GRM5: variants seen among roughly 807,000 people sequenced by gnomAD.
GRM5 encodes the protein metabotropic glutamate receptor 5.
A neutral mutation model predicts 83.1 loss-of-function variants in GRM5; 19 were observed. The ratio of observed to expected loss-of-function variants is 0.23; its 90% CI spans 0.16 to 0.34. GRM5 has a LOEUF of 0.34. Among genes scored for constraint, GRM5 ranks in the 10% least tolerant of loss-of-function variants. The probability of loss-of-function intolerance (pLI) is 1.00; values close to 1 mark genes in which losing one functional copy is unlikely to be tolerated. For missense variants in GRM5, 1,160 were observed against 1,588.3 expected, an observed-to-expected ratio of 0.73 and a Z score of 4.58; for synonymous variants, 675 against 633.6, an observed-to-expected ratio of 1.07 and a Z score of -0.98.
At chr11:88,730,631 A>G (rs184934261) in intron 3 of GRM5, among the ~76,000 whole-genome samples, 432 of 152,340 alleles carry the variant, frequency 2.8e-3, no homozygotes, top group African/African-American at 9.9e-3. Context: ...ATGTTCATCA[A>G]TGATAGACTA....
At chr11:88,736,177 A>G (rs1031833397) in intron 3 of GRM5, among the ~76,000 whole-genome samples, 2 of 152,074 alleles carry the variant, frequency 1.3e-5, no homozygotes, top group East Asian at 3.9e-4. Context: ...AACATTTACA[A>G]AATATAAGGT....
intron 3 of GRM5, among the ~76,000 whole-genome samples, chr11:88,833,910 CA>C (rs1255322340): frequency 1.3e-5 from 2 of 151,352 alleles, no homozygotes; most frequent in East Asian, 1.9e-4. Flanking sequence ...TATGTGGGAC[CA>C]AAAAAAAGGT....
At chr11:89,013,923 TA>T (rs1324142548) in intron 2 of GRM5, among the ~76,000 whole-genome samples, 1 of 152,206 alleles carries the variant, frequency 6.6e-6, no homozygotes, top group African/African-American at 2.4e-5. Flanking sequence ...CTTATTCATG[TA>T]GCCTCCCACT....
chr11:89,019,156 T>C (rs1391605369), intron 2 of GRM5, among the ~76,000 whole-genome samples: 1 of 152,212 alleles, frequency 6.6e-6, no homozygotes, highest in Non-Finnish European at 1.5e-5. Context: ...GGGTATTTTG[T>C]AGAATGTCCT....
At chr11:88,943,244 A>C (rs548927843) in intron 2 of GRM5, among the ~76,000 whole-genome samples, 1 of 152,196 alleles carries the variant, frequency 6.6e-6, no homozygotes, top group East Asian at 1.9e-4. Flanking sequence ...GTAGTCATTT[A>C]ATCAAACATA....
chr11:88,520,514 A>G (rs1270999087), intron 9 of GRM5, among the ~76,000 whole-genome samples: 1 of 152,208 alleles, frequency 6.6e-6, no homozygotes, highest in Non-Finnish European at 1.5e-5. Flanking sequence ...AGAAATGGGC[A>G]CTTAATCTGA....
chr11:88,988,814 A>G (rs1290999647), intron 2 of GRM5, among the ~76,000 whole-genome samples: 6 of 143,940 alleles, frequency 4.2e-5, no homozygotes, highest in African/African-American at 1.5e-4. Context: ...AAATGCTGAG[A>G]GACTTTGTCA....
At chr11:88,945,871 C>A (rs1938267510) in intron 2 of GRM5, among the ~76,000 whole-genome samples, 1 of 151,888 alleles carries the variant, frequency 6.6e-6, no homozygotes. Flanking sequence ...GCAACAAAAA[C>A]AAAAATTGAC....
rs188276571 is a variant in GRM5, at chr11:88,847,668, A to T, written c.911+2238T>A. Among the ~76,000 whole-genome samples, 227 of 152,322 alleles carry T rather than the reference A, an allele frequency of 1.5e-3. 1 individual carries two copies. Among genetic ancestry groups the T allele is most frequent in the African/African-American group, 5.1e-3 (211 of 41,586 alleles). ...AATTTGGAGTAAGGAAGACCTAACA[A>T]AACTGCTCAAAAATGAAATGAACTG... On this transcript the variant is annotated intron_variant, in intron 3 of 9. Coordinates refer to ENST00000305447, the MANE Select transcript of GRM5 (RefSeq NM_001143831.3).
At chr11:88,921,490 C>G (rs1455692439) in intron 2 of GRM5, among the ~76,000 whole-genome samples, 1 of 152,048 alleles carries the variant, frequency 6.6e-6, no homozygotes, top group East Asian at 1.9e-4. Flanking sequence ...ATTAGCTGGG[C>G]ATGGTGGCGG....
At chr11:89,045,657 G>T (rs1941626742) in intron 2 of GRM5, among the ~76,000 whole-genome samples, 1 of 152,064 alleles carries the variant, frequency 6.6e-6, no homozygotes, top group African/African-American at 2.4e-5. Context: ...AAAGCCAAAG[G>T]TCATGACTAA....
rs543867471 is a variant in GRM5, at chr11:88,734,405, T to C, written c.912-81002A>G. ...GGAATGTAAAATGGTACAGTAGCTA[T>C]GAAAAACAGAAATACCATATAATAC... is the stretch of plus-strand genomic sequence containing the variant. On this transcript the variant is annotated intron_variant, in intron 3 of 9. Coordinates refer to ENST00000305447, the MANE Select transcript of GRM5 (RefSeq NM_001143831.3). 9.2e-5 allele frequency among the ~76,000 whole-genome samples: 14 copies of C among 152,078 alleles called. No homozygotes were observed. In the East Asian group the frequency reaches 1.9e-3, roughly 21 times the overall value.
intron 2 of GRM5, among the ~76,000 whole-genome samples, chr11:88,925,499 A>C (rs563244081): frequency 5.8e-4 from 88 of 152,238 alleles, no homozygotes; most frequent in African/African-American, 1.8e-3. Flanking sequence ...ATTCACCATC[A>C]GGGGTTCCTA....
intron 2 of GRM5, among the ~76,000 whole-genome samples, chr11:88,897,958 C>T (rs1357453780): frequency 6.6e-6 from 1 of 151,956 alleles, no homozygotes; most frequent in Non-Finnish European, 1.5e-5. Context: ...TCCTTGGGCG[C>T]TATAACAAAA....
intron 3 of GRM5, among the ~76,000 whole-genome samples, chr11:88,803,845 A>C (rs1338997530): frequency 2.0e-5 from 3 of 152,194 alleles, no homozygotes; most frequent in African/African-American, 7.2e-5. Flanking sequence ...ACAAGAAAAA[A>C]ACAAACAACC....
chr11:88,838,712 A>G (rs1944138188), intron 3 of GRM5, among the ~76,000 whole-genome samples: 1 of 152,220 alleles, frequency 6.6e-6, no homozygotes, highest in Non-Finnish European at 1.5e-5. Flanking sequence ...AATATCTTGC[A>G]TTATAGTTTA....
chr11:88,902,841 C>T (rs1030511718), intron 2 of GRM5, among the ~76,000 whole-genome samples: 1 of 147,686 alleles, frequency 6.8e-6, no homozygotes, highest in Non-Finnish European at 1.5e-5. Flanking sequence ...GTACCAGCTA[C>T]TAGGGAGGTT....
intron 9 of GRM5, chr11:88,522,857 G>A (rs1446056110): frequency 1.3e-5 from 2 of 152,018 alleles, no homozygotes; most frequent in East Asian, 1.9e-4. Context: ...AACAAGTGAG[G>A]AAACAAAAAT....
chr11:88,849,760 G>T, intron 3 of GRM5, 146 bp downstream of exon 3: 1 of 760,202 alleles, frequency 1.3e-6, no homozygotes, highest in Non-Finnish European at 2.2e-6. Context: ...TTTTCTCCAG[G>T]CACAGGTGCG....
Sources: allele counts gnomAD v4.1 joint callset (sites outside exome capture counted in the v4.1 genomes callset), GRCh38; gene constraint gnomAD v4.1.1; transcripts MANE v1.5; gene names NCBI Gene and HGNC (gene_info 2026-07-23, HGNC 2026-07-21).